The following CDH8 variants were observed in gnomAD, a reference collection of about 807,000 sequenced individuals.
CDH8 encodes the protein cadherin-8.
In CDH8, 17 loss-of-function variants were observed where a neutral mutation model predicts 68.1. The observed-to-expected ratio is 0.25, with a 90% CI of 0.17 to 0.37. CDH8 has a LOEUF of 0.37. CDH8 is among the 10% of genes least tolerant of loss of function. The probability of loss-of-function intolerance (pLI) is 1.00; values close to 1 mark genes in which losing one functional copy is unlikely to be tolerated. For missense variants in CDH8, 763 were observed against 999.3 expected, an observed-to-expected ratio of 0.76 and a Z score of 3.19; for synonymous variants, 372 against 365.1, an observed-to-expected ratio of 1.02 and a Z score of -0.21.
At position 61,652,048 on chromosome 16, in the gene CDH8, T is replaced by C. The variant is rs1371171711; in HGVS notation, c.*1560A>G. The C allele has an allele frequency of 4.6e-6, 4 of 875,232 alleles. No homozygotes were observed. Among genetic ancestry groups the C allele is most frequent in the Non-Finnish European group, 5.5e-6 (4 of 729,786 alleles). 54.2% of individuals were successfully genotyped at this position (875,232 alleles called of 1,614,324 possible). A position where few individuals can be genotyped will look rare whatever the true frequency, so the allele number is the denominator to read the frequency against. ...ATATATTTCACAAAGTAGGAAACAATACAGGAGTTTCTCTGAATACAATAC... is the reference window on the plus strand; with the variant it reads ...ATATATTTCACAAAGTAGGAAACAACACAGGAGTTTCTCTGAATACAATAC... On this transcript the variant is annotated 3_prime_UTR_variant, in exon 12 of 12. Coordinates refer to ENST00000577390, the MANE Select transcript of CDH8 (RefSeq NM_001796.5).
chr16:61,828,154 A>T (rs1314538863), intron 4 of CDH8, among the ~76,000 whole-genome samples: 1 of 151,578 alleles, frequency 6.6e-6, no homozygotes, highest in African/African-American at 2.4e-5. Flanking sequence ...TAGCGACAAG[A>T]GTGACCTCTG....
chr16:61,907,990 C>A (rs1964091600), intron 2 of CDH8, among the ~76,000 whole-genome samples: 2 of 147,020 alleles, frequency 1.4e-5, no homozygotes. Flanking sequence ...TTGCAGTGAG[C>A]CAATATTGCG....
chr16:61,782,563 A>C (rs1567468327), intron 8 of CDH8, among the ~76,000 whole-genome samples: 1 of 151,850 alleles, frequency 6.6e-6, no homozygotes, highest in Middle Eastern at 3.2e-3. Flanking sequence ...GCAGCCAGGA[A>C]GCTCGAACTG....
intron 9 of CDH8, chr16:61,726,005 T>C (rs1033175270): frequency 1.3e-5 from 2 of 150,744 alleles, no homozygotes; most frequent in African/African-American, 4.9e-5. Flanking sequence ...CACTGTTTTA[T>C]AGGAGGGTAA....
In CDH8 at chr16:61,657,389, G is replaced by A. The variant is rs547250014; in HGVS notation, c.1655-1668C>T. 2.4e-4 allele frequency among the ~76,000 whole-genome samples: 36 copies of A among 152,112 alleles called. No individual in the cohort carries two copies. In the East Asian group the frequency reaches 7.0e-3, roughly 29 times the overall value. ...TCTAATAAGCAGTCAAATAGAAAAA[G>A]CACTCTGATTTAACAATTGTTTTCT... On this transcript the variant is annotated intron_variant, in intron 10 of 11. Transcript: ENST00000577390.
intron 3 of CDH8, among the ~76,000 whole-genome samples, chr16:61,896,576 T>C (rs992324941): frequency 6.6e-6 from 1 of 152,114 alleles, no homozygotes; most frequent in Non-Finnish European, 1.5e-5. Flanking sequence ...AAAAAAGCGA[T>C]GGTAGCTGAC....
rs546252878 is a variant in CDH8 at position 62,015,045 on chromosome 16, C to CA, written c.252+6106dup. Among the ~76,000 whole-genome samples the CA allele has an allele frequency of 5.8e-3, 888 of 152,056 alleles. 4 individuals are homozygous for CA. The highest frequency in any genetic ancestry group is 7.2e-3 in the Non-Finnish European group (491 of 67,972). On this transcript the variant is annotated intron_variant, in intron 2 of 11. Transcript: ENST00000577390. ...CACACACACACACACAGAGGCTGAG[C>CA]ATCTCTAATCCGAAAATCTGAAATC...
rs1964727670 is a variant in CDH8 at position 61,716,261 on chromosome 16, C to T, written c.1537-2303G>A. Among the ~76,000 whole-genome samples, 2 of 151,618 alleles carry T rather than the reference C, an allele frequency of 1.3e-5. 1 individual carries two copies. Among genetic ancestry groups the T allele is most frequent in the South Asian group, 4.1e-4 (2 of 4,824 alleles). On this transcript the variant is annotated intron_variant, in intron 9 of 11. Coordinates refer to ENST00000577390, the MANE Select transcript of CDH8 (RefSeq NM_001796.5). ...TGAAAATGGCTCATACCTGCTGTTG[C>T]ATCTACAGGAGAGTCATTTGATTAG... is the stretch of plus-strand genomic sequence containing the variant.
chr16:61,784,294 CTGA>C (rs1961171970), intron 8 of CDH8, among the ~76,000 whole-genome samples: 2 of 151,506 alleles, frequency 1.3e-5, no homozygotes, highest in Non-Finnish European at 2.9e-5. Context: ...ATCCTAGTAT[CTGA>C]TAAAACAGAC....
intron 8 of CDH8, among the ~76,000 whole-genome samples, chr16:61,788,897 T>C (rs1327180389): frequency 2.0e-5 from 3 of 151,994 alleles, no homozygotes; most frequent in African/African-American, 2.4e-5. Flanking sequence ...CCCAAAATAA[T>C]ACATATTGAT....
chr16:61,949,735 C>A (rs1964859372), intron 2 of CDH8, among the ~76,000 whole-genome samples: 1 of 152,010 alleles, frequency 6.6e-6, no homozygotes, highest in Non-Finnish European at 1.5e-5. Context: ...GCAATCCCAG[C>A]ACTTTGGGAA....
At chr16:61,696,867 C>T (rs1280786539) in intron 10 of CDH8, among the ~76,000 whole-genome samples, 1 of 152,118 alleles carries the variant, frequency 6.6e-6, no homozygotes, top group Admixed American at 6.5e-5. Flanking sequence ...CATGTTCTCA[C>T]TTATGAGCAG....
At chr16:61,790,119 C>T (rs935414142) in intron 7 of CDH8, among the ~76,000 whole-genome samples, 1 of 151,650 alleles carries the variant, frequency 6.6e-6, no homozygotes, top group African/African-American at 2.4e-5. Context: ...AAGTTAGAAT[C>T]GATATTTTAA....
Position 61,857,248 on chromosome 16 carries a change from TAGAG to T in CDH8, c.548-14_548-11del. 5 of 1,607,590 alleles carry T rather than the reference TAGAG, an allele frequency of 3.1e-6. No homozygotes were observed. Among genetic ancestry groups the T allele is most frequent in the Non-Finnish European group, 4.3e-6 (5 of 1,175,662 alleles). ...TTAGTGACAGATGTACCTAATAAAATAGAGAAAGAAAAAAGATAATAATTAACAC... is the reference window on the plus strand; with the variant it reads ...TTAGTGACAGATGTACCTAATAAAATAAAGAAAAAAGATAATAATTAACAC... On this transcript the variant is annotated splice_polypyrimidine_tract_variant and intron_variant, in intron 3 of 11. Transcript: ENST00000577390.
chr16:61,691,874 G>A (rs2142831881), intron 10 of CDH8: 1 of 152,108 alleles, frequency 6.6e-6, no homozygotes, highest in African/African-American at 2.4e-5. Flanking sequence ...CAACTTATTA[G>A]ACATTGACAG....
At chr16:61,858,508 C>A (rs1357843427) in intron 3 of CDH8, among the ~76,000 whole-genome samples, 1 of 152,150 alleles carries the variant, frequency 6.6e-6, no homozygotes, top group Non-Finnish European at 1.5e-5. Flanking sequence ...ATTGAATATA[C>A]CTTTACTCAT....
At chr16:61,664,516 G>T (rs1055980688) in intron 10 of CDH8, among the ~76,000 whole-genome samples, 1 of 151,868 alleles carries the variant, frequency 6.6e-6, no homozygotes, top group Non-Finnish European at 1.5e-5. Flanking sequence ...AGTTATATGT[G>T]GTTTAAAATA....
In CDH8 at chr16:61,758,261, G is replaced by C. The variant is rs1441424278; in HGVS notation, c.1415-31046C>G. Among the ~76,000 whole-genome samples the C allele has an allele frequency of 6.6e-5, 10 of 152,222 alleles. No homozygotes were observed. In the East Asian group the frequency reaches 1.7e-3, roughly 27 times the overall value. Reference sequence around the variant, plus strand: ...TGTAGAAAAAAAGAAAATGCCCCTAGTGAATTTGATGATTTAATTAAAGAG... The same window carrying C: ...TGTAGAAAAAAAGAAAATGCCCCTACTGAATTTGATGATTTAATTAAAGAG... On this transcript the variant is annotated intron_variant, in intron 8 of 11. Transcript: ENST00000577390.
intron 7 of CDH8, 133 bp downstream of exon 7, chr16:61,817,346 T>A: frequency 1.3e-6 from 1 of 777,226 alleles, no homozygotes; most frequent in South Asian, 1.6e-5. Flanking sequence ...ACACACAGTA[T>A]GTGCCAACCA....
Sources: allele counts gnomAD v4.1 joint callset (sites outside exome capture counted in the v4.1 genomes callset), GRCh38; gene constraint gnomAD v4.1.1; transcripts MANE v1.5; gene names NCBI Gene and HGNC (gene_info 2026-07-23, HGNC 2026-07-21).